Variants in RCAN2 observed in about 807,000 individuals in gnomAD.
The protein encoded by RCAN2 is regulator of calcineurin 2.
In RCAN2, 9 loss-of-function variants were observed where a neutral mutation model predicts 23.6. That is an observed-to-expected ratio of 0.38 (90% confidence interval 0.23 to 0.67). The LOEUF is 0.67. Ranked by LOEUF, RCAN2 falls within the 30% of genes least tolerant of loss-of-function variation. The pLI, the probability that RCAN2 is intolerant of heterozygous loss-of-function variation, is 0.51. For missense variants in RCAN2, 273 were observed against 302.3 expected (o/e 0.90, Z 0.72); for synonymous variants, 109 against 115.7 (o/e 0.94, Z 0.37).
At chr6:46,442,055 C>A (rs1201326645) in intron 2 of RCAN2, among the ~76,000 whole-genome samples, 1 of 152,084 alleles carries the variant, frequency 6.6e-6, no homozygotes, top group Non-Finnish European at 1.5e-5. Flanking sequence ...TGGTTATCAC[C>A]AAGTCAATCA....
At chr6:46,331,745 A>G (rs1763981217) in intron 2 of RCAN2, among the ~76,000 whole-genome samples, 1 of 152,234 alleles carries the variant, frequency 6.6e-6, no homozygotes, top group Non-Finnish European at 1.5e-5. Flanking sequence ...CTTTTCAGTG[A>G]ACAGAGCTAG....
intron 2 of RCAN2, among the ~76,000 whole-genome samples, chr6:46,425,369 T>C (rs1257923165): frequency 1.3e-5 from 2 of 152,176 alleles, no homozygotes; most frequent in African/African-American, 4.8e-5. Flanking sequence ...TGCACCTATG[T>C]GAGAATATAA....
chr6:46,488,328 T>G (rs1455250125), intron 1 of RCAN2, among the ~76,000 whole-genome samples: 5 of 152,202 alleles, frequency 3.3e-5, no homozygotes, highest in African/African-American at 1.2e-4. Context: ...CTCATAAGGT[T>G]AGTGGGAAGA....
At chr6:46,350,700 G>A (rs777031743) in intron 2 of RCAN2, among the ~76,000 whole-genome samples, 3 of 152,200 alleles carry the variant, frequency 2.0e-5, no homozygotes, top group Non-Finnish European at 2.9e-5. Flanking sequence ...AACGGCTCTT[G>A]TTTCTACAAT....
intron 1 of RCAN2, among the ~76,000 whole-genome samples, chr6:46,488,520 G>A (rs1024338170): frequency 6.6e-6 from 1 of 152,144 alleles, no homozygotes; most frequent in Non-Finnish European, 1.5e-5. Flanking sequence ...CTGCTATTAA[G>A]TTTGTCTCTC....
intron 1 of RCAN2, among the ~76,000 whole-genome samples, chr6:46,462,030 G>C (rs1768231614): frequency 6.6e-6 from 1 of 152,208 alleles, no homozygotes; most frequent in South Asian, 2.1e-4. Context: ...CTTATCAAGA[G>C]CAAGCCAATG....
chr6:46,346,938 T>C (rs6901375), intron 2 of RCAN2, among the ~76,000 whole-genome samples: 63,999 of 151,830 alleles, frequency 0.42, 14,929 homozygotes, highest in East Asian at 0.6. Flanking sequence ...TGCAGTGGCG[T>C]GATCTCCGCT....
intron 3 of RCAN2, among the ~76,000 whole-genome samples, chr6:46,248,431 A>T (rs1393459837): frequency 6.6e-6 from 1 of 152,172 alleles, no homozygotes; most frequent in Non-Finnish European, 1.5e-5. Context: ...ACAATAATTC[A>T]TGCAATCCTC....
At position 46,294,569 on chromosome 6, in the gene RCAN2, T is replaced by C. The variant is rs77316298; in HGVS notation, c.226-45673A>G. Among the ~76,000 whole-genome samples the C allele has an allele frequency of 5.6e-3, 858 of 152,234 alleles. 3 individuals are homozygous for C. The highest frequency in any genetic ancestry group is 1.0e-2 in the Non-Finnish European group (680 of 68,002). ...CAATAGAGGAGTGGTTAAATTATGG[T>C]TCATCCATTTCATTTTCTAGACTAT... On this transcript the variant is annotated intron_variant, in intron 2 of 4. Transcript: ENST00000371374.
intron 3 of RCAN2, among the ~76,000 whole-genome samples, chr6:46,248,045 G>A (rs2150317871): frequency 6.6e-6 from 1 of 152,296 alleles, no homozygotes; most frequent in South Asian, 2.1e-4. Context: ...GAATCTGAAG[G>A]TGGAAACCAT....
chr6:46,325,235 T>C (rs1050996411), intron 2 of RCAN2, among the ~76,000 whole-genome samples: 13 of 152,274 alleles, frequency 8.5e-5, no homozygotes, highest in African/African-American at 3.1e-4. Flanking sequence ...TCTTCCAACT[T>C]ATTCTACTTA....
chr6:46,351,594 C>T lies in RCAN2; in HGVS notation c.226-102698G>A, dbSNP rs115074658. ...GATACACAGGTGAGAAATTTAATAG[C>T]TCCTCTAGTAAACAGCACACATCAT... On this transcript the variant is annotated intron_variant, in intron 2 of 4. Coordinates refer to ENST00000371374, the MANE Select transcript of RCAN2 (RefSeq NM_001251974.2). Among the ~76,000 whole-genome samples the T allele has an allele frequency of 1.8e-3, 269 of 152,332 alleles. 1 individual carries two copies. The highest frequency in any genetic ancestry group is 6.8e-3 in the Middle Eastern group (2 of 294).
chr6:46,479,583 C>CA (rs1768800900), intron 1 of RCAN2, among the ~76,000 whole-genome samples: 3 of 89,246 alleles, frequency 3.4e-5, no homozygotes, highest in East Asian at 3.4e-4. Flanking sequence ...TCTGTCTCAC[C>CA]TTTTTTTTTT....
At chr6:46,369,394 GTAT>G (rs1012611767) in intron 2 of RCAN2, among the ~76,000 whole-genome samples, 2 of 152,118 alleles carry the variant, frequency 1.3e-5, no homozygotes, top group Non-Finnish European at 2.9e-5. Context: ...GCATTATAAA[GTAT>G]TATGTACTGT....
intron 2 of RCAN2, among the ~76,000 whole-genome samples, chr6:46,437,961 C>T (rs1176477694): frequency 6.6e-6 from 1 of 152,182 alleles, no homozygotes; most frequent in Non-Finnish European, 1.5e-5. Context: ...ATTTCTCACA[C>T]TAAGGAGAAA....
intron 2 of RCAN2, among the ~76,000 whole-genome samples, chr6:46,313,102 C>T (rs1287973538): frequency 1.3e-5 from 2 of 152,142 alleles, no homozygotes; most frequent in Non-Finnish European, 2.9e-5. Flanking sequence ...TTAGTGTAGG[C>T]CTCTTCCTTT....
At chr6:46,369,523 A>G (rs1396275895) in intron 2 of RCAN2, among the ~76,000 whole-genome samples, 1 of 152,190 alleles carries the variant, frequency 6.6e-6, no homozygotes, top group African/African-American at 2.4e-5. Flanking sequence ...TGGCTACCAC[A>G]TCACTAGGTA....
chr6:46,242,520 C>T (rs1057505828), intron 4 of RCAN2, among the ~76,000 whole-genome samples: 2 of 152,198 alleles, frequency 1.3e-5, no homozygotes, highest in Admixed American at 6.5e-5. Context: ...TCACTCTGCT[C>T]TACCAATTAA....
intron 2 of RCAN2, among the ~76,000 whole-genome samples, chr6:46,298,335 T>C (rs1762785222): frequency 6.6e-6 from 1 of 152,032 alleles, no homozygotes. Flanking sequence ...TGTAGGGCAA[T>C]ATTATGTCAA....
Sources: allele counts gnomAD v4.1 joint callset (sites outside exome capture counted in the v4.1 genomes callset), GRCh38; gene constraint gnomAD v4.1.1; transcripts MANE v1.5; gene names NCBI Gene and HGNC (gene_info 2026-07-23, HGNC 2026-07-21).